UBE2D3: variants seen among roughly 807,000 people sequenced by gnomAD.
The protein encoded by UBE2D3 is ubiquitin-conjugating enzyme E2 D3.
In UBE2D3, 2 loss-of-function variants were observed where a neutral mutation model predicts 22.8. The ratio of observed to expected loss-of-function variants is 0.09; its 90% confidence interval spans 0.04 to 0.28. UBE2D3 has a LOEUF of 0.28. Ranked by LOEUF, UBE2D3 falls within the 10% of genes least tolerant of loss-of-function variation. The probability of loss-of-function intolerance (pLI) is 1.00; values close to 1 mark genes in which losing one functional copy is unlikely to be tolerated. For synonymous variants in UBE2D3, 56 were observed against 60.4 expected, an observed-to-expected ratio of 0.93 and a Z score of 0.34; for missense variants, 27 against 182.5, an observed-to-expected ratio of 0.15 and a Z score of 4.91.
intron 4 of UBE2D3, 126 bp from the exon 5 acceptor site, chr4:102,802,764 C>T (rs951050104): frequency 1.2e-4 from 68 of 589,910 alleles, no homozygotes; most frequent in Non-Finnish European, 1.0e-4. Context: ...AATAAATAAT[C>T]TATTCCATGA....
In UBE2D3 at chr4:102,795,375, T is replaced by C. The variant is rs1045949330; in HGVS notation, c.*2040A>G. 6.6e-6 allele frequency: 1 copy of C among 152,136 alleles called. No individual in the cohort carries two copies. Among genetic ancestry groups the C allele is most frequent in the East Asian group, 1.9e-4 (1 of 5,206 alleles). The allele number at this position is 152,136 out of a possible 1,614,324, so 9.4% of individuals were successfully genotyped here. On this transcript the variant is annotated 3_prime_UTR_variant, in exon 8 of 8. Transcript: ENST00000453744. ...CTAAAGCTGTTATTTTGAGACTATA[T>C]GCATCTCAGAAGTAATTTTGAAAAT...
rs996917894 is a variant in UBE2D3 at position 102,842,741 on chromosome 4, G to A, written c.-128-16105C>T. 5.3e-5 allele frequency among the ~76,000 whole-genome samples: 8 copies of A among 152,090 alleles called. No homozygotes were observed. In the East Asian group the frequency reaches 9.6e-4, roughly 18 times the overall value. ...GAAAAAGGCAAAATATGTGGCAGGCGTCTTTAGATTTGGAGACAACAAAAC... is the reference window on the plus strand; with the variant it reads ...GAAAAAGGCAAAATATGTGGCAGGCATCTTTAGATTTGGAGACAACAAAAC... On this transcript the variant is annotated intron_variant, in intron 1 of 7. Coordinates refer to the UBE2D3 transcript ENST00000338145.
chr4:102,859,115 C>T (rs1019649553), intron 1 of UBE2D3, among the ~76,000 whole-genome samples: 6 of 151,886 alleles, frequency 4.0e-5, no homozygotes, highest in African/African-American at 1.4e-4. Flanking sequence ...GATGAACTCC[C>T]TCAGCTTTTG....
chr4:102,827,648 G>A, upstream of UBE2D3: 1 of 986,360 alleles, frequency 1.0e-6, no homozygotes. Flanking sequence ...CAAGACCGAT[G>A]TGAGGCCGAA....
chr4:102,798,131 A>G (rs1001930505), intron 7 of UBE2D3, among the ~76,000 whole-genome samples: 1 of 151,706 alleles, frequency 6.6e-6, no homozygotes, highest in African/African-American at 2.4e-5. Flanking sequence ...ATCTTCGTTT[A>G]AAAAGATCAA....
chr4:102,867,388 T>A (rs1733193906), intron 1 of UBE2D3, among the ~76,000 whole-genome samples: 2 of 152,228 alleles, frequency 1.3e-5, no homozygotes, highest in African/African-American at 4.8e-5. Context: ...AGTTCGTTAT[T>A]ATATGTTGTT....
intron 6 of UBE2D3, among the ~76,000 whole-genome samples, chr4:102,800,628 T>A (rs1419822128): frequency 6.6e-6 from 1 of 152,038 alleles, no homozygotes; most frequent in African/African-American, 2.4e-5. Context: ...ACACTCGAAT[T>A]ATGGCAGCAT....
upstream of UBE2D3, among the ~76,000 whole-genome samples, chr4:102,830,122 A>T (rs1484649115): frequency 1.3e-5 from 2 of 152,250 alleles, no homozygotes; most frequent in Non-Finnish European, 2.9e-5. Context: ...CCATGGTTAA[A>T]ATCAAAAGAA....
intron 1 of UBE2D3, among the ~76,000 whole-genome samples, chr4:102,861,753 C>T (rs933512047): frequency 6.6e-6 from 1 of 152,028 alleles, no homozygotes; most frequent in Admixed American, 6.6e-5. Flanking sequence ...TAATTATGCA[C>T]ATATGCATAT....
At chr4:102,856,384 A>C (rs1212389218) in intron 1 of UBE2D3, among the ~76,000 whole-genome samples, 1 of 152,176 alleles carries the variant, frequency 6.6e-6, no homozygotes, top group Non-Finnish European at 1.5e-5. Context: ...AATGAATAAA[A>C]AATTAAAAAA....
chr4:102,845,113 T>TG (rs1207045427), intron 1 of UBE2D3, among the ~76,000 whole-genome samples: 1 of 151,184 alleles, frequency 6.6e-6, no homozygotes, highest in Non-Finnish European at 1.5e-5. Flanking sequence ...CTGGGAGTGA[T>TG]GGTGCATGCC....
chr4:102,831,359 T>C (rs1731107405), upstream of UBE2D3, among the ~76,000 whole-genome samples: 1 of 152,226 alleles, frequency 6.6e-6, no homozygotes, highest in Non-Finnish European at 1.5e-5. Flanking sequence ...TGCTAAGATG[T>C]CATTTTGGCC....
At chr4:102,819,054 G>A (rs1035190437) in intron 2 of UBE2D3, among the ~76,000 whole-genome samples, 4 of 152,118 alleles carry the variant, frequency 2.6e-5, no homozygotes, top group African/African-American at 9.7e-5. Flanking sequence ...TCCCTTGCTG[G>A]GCGTGGTGGC....
rs1399569800 is a variant in UBE2D3, at chr4:102,795,248, G to C, written c.*2167C>G. ...TCATCTCCGTAAATACCTAAGGGTT[G>C]TCTAAGGCTATAAAGGTCAATTTGA... is the stretch of plus-strand genomic sequence containing the variant. On this transcript the variant is annotated 3_prime_UTR_variant, in exon 8 of 8. Transcript: ENST00000453744. 1 of 152,050 alleles carries C rather than the reference G, an allele frequency of 6.6e-6. No homozygotes were observed. The highest frequency in any genetic ancestry group is 1.5e-5 in the Non-Finnish European group (1 of 67,920). The allele number at this position is 152,050 out of a possible 1,614,324, so 9.4% of individuals were successfully genotyped here.
At chr4:102,817,443 G>A (rs1019613727) in intron 2 of UBE2D3, among the ~76,000 whole-genome samples, 1 of 152,184 alleles carries the variant, frequency 6.6e-6, no homozygotes, top group Non-Finnish European at 1.5e-5. Flanking sequence ...TCCCTTAAGA[G>A]AGGGGAAAGA....
At chr4:102,868,782 T>G in exon 1 of UBE2D3, 1 of 1,613,922 alleles carries the variant, frequency 6.2e-7, no homozygotes, top group South Asian at 1.1e-5. Context: ...GTATCCTTTC[T>G]GCTGGTCTCC....
rs946168226 is a variant in UBE2D3, at chr4:102,795,667, A to T, written c.*1748T>A. The T allele has an allele frequency of 6.6e-6, 1 of 152,122 alleles. No individual in the cohort carries two copies. Among genetic ancestry groups the T allele is most frequent in the Non-Finnish European group, 1.5e-5 (1 of 67,956 alleles). 9.4% of individuals were successfully genotyped at this position (152,122 alleles called of 1,614,324 possible). A position where few individuals can be genotyped will look rare whatever the true frequency, so the allele number is the denominator to read the frequency against. On this transcript the variant is annotated 3_prime_UTR_variant, in exon 8 of 8. Transcript: ENST00000453744. ...GTTTAGAGAAGAACCTTAAGTCAAT[A>T]AATCATGTCCAAACTACATATTAAA...
At chr4:102,827,567 G>T, upstream of UBE2D3, 1 of 986,770 alleles carries the variant, frequency 1.0e-6, no homozygotes, top group Non-Finnish European at 1.2e-6. Flanking sequence ...CAGCTGCCAC[G>T]CTCCGCCCCT....
chr4:102,840,149 T>G (rs777659369), intron 1 of UBE2D3, among the ~76,000 whole-genome samples: 2 of 152,210 alleles, frequency 1.3e-5, no homozygotes, highest in Non-Finnish European at 2.9e-5. Context: ...TCTTTTATAC[T>G]GTCAGTGGGA....
Sources: gnomAD v4.1 joint callset for allele counts (sites outside exome capture counted in the v4.1 genomes callset) on GRCh38, gnomAD v4.1.1 for gene constraint, MANE v1.5 for transcripts, NCBI Gene and HGNC (gene_info 2026-07-23, HGNC 2026-07-21) for gene names.